PCNX2: variants seen among roughly 807,000 people sequenced by gnomAD.
PCNX2 encodes pecanex-like protein 2.
Under a neutral mutation model 223.8 loss-of-function variants are expected in PCNX2, and 168 were observed. The observed-to-expected ratio is 0.75, with a 90% CI of 0.66 to 0.85. The LOEUF is 0.85. Among genes scored for constraint, PCNX2 ranks in the 40% least tolerant of loss-of-function variants. The pLI is 0.00. For synonymous variants in PCNX2, 1,006 were observed against 1,052.6 expected, an observed-to-expected ratio of 0.96 and a Z score of 0.86; for missense variants, 2,507 against 2,675.5, an observed-to-expected ratio of 0.94 and a Z score of 1.39.
intron 28 of PCNX2, among the ~76,000 whole-genome samples, chr1:233,009,440 T>C (rs1670391770): frequency 6.6e-6 from 1 of 152,194 alleles, no homozygotes; most frequent in African/African-American, 2.4e-5. Context: ...AAATAAATCA[T>C]AAGTGTGAAA....
chr1:233,150,715 T>C (rs1398141088), intron 19 of PCNX2, among the ~76,000 whole-genome samples: 1 of 149,174 alleles, frequency 6.7e-6, no homozygotes, highest in Non-Finnish European at 1.5e-5. Flanking sequence ...CTCCAATATT[T>C]TTAATGTTCA....
intron 10 of PCNX2, among the ~76,000 whole-genome samples, chr1:233,226,141 T>G (rs1657699695): frequency 6.6e-6 from 1 of 152,214 alleles, no homozygotes; most frequent in South Asian, 2.1e-4. Flanking sequence ...TCTGAAATTT[T>G]CAAGCCAACC....
At chr1:233,169,285 C>T (rs774060162) in intron 17 of PCNX2, among the ~76,000 whole-genome samples, 15 of 151,858 alleles carry the variant, frequency 9.9e-5, no homozygotes, top group Admixed American at 5.2e-4. Context: ...ATCATTTTCT[C>T]TGTATATTTT....
At chr1:233,229,801 T>TA (rs564227328) in intron 9 of PCNX2, among the ~76,000 whole-genome samples, 78 of 147,928 alleles carry the variant, frequency 5.3e-4, no homozygotes, top group Admixed American at 3.4e-3. Flanking sequence ...AATCCTTGCT[T>TA]AAAAAAAAAA....
intron 19 of PCNX2, among the ~76,000 whole-genome samples, chr1:233,158,193 G>A (rs886786166): frequency 1.3e-5 from 2 of 152,124 alleles, no homozygotes; most frequent in Admixed American, 6.5e-5. Context: ...ACCAGAAACC[G>A]AGTTGTTAAT....
chr1:233,057,417 C>G, intron 23 of PCNX2, 127 bp from the exon 24 acceptor site: 6 of 729,194 alleles, frequency 8.2e-6, no homozygotes, highest in Non-Finnish European at 1.4e-5. Context: ...AAGACGATTG[C>G]TGTAGTTTTA....
At chr1:233,100,854 C>T (rs1380913137) in intron 21 of PCNX2, among the ~76,000 whole-genome samples, 3 of 152,168 alleles carry the variant, frequency 2.0e-5, no homozygotes, top group Non-Finnish European at 4.4e-5. Flanking sequence ...TACTAATCTC[C>T]CAGATTCATT....
chr1:233,174,464 T>C (rs1336352254), intron 17 of PCNX2, among the ~76,000 whole-genome samples: 1 of 151,558 alleles, frequency 6.6e-6, no homozygotes, highest in Non-Finnish European at 1.5e-5. Context: ...TTTCATATAC[T>C]GAACATTTTA....
intron 25 of PCNX2, among the ~76,000 whole-genome samples, chr1:233,031,208 G>A (rs1448051395): frequency 1.3e-5 from 2 of 152,172 alleles, no homozygotes; most frequent in African/African-American, 4.8e-5. Context: ...GAATATTTCA[G>A]TACTGGTTAT....
intron 6 of PCNX2, 39 bp from the exon 7 acceptor site, chr1:233,252,538 G>A: frequency 6.3e-7 from 1 of 1,589,134 alleles, no homozygotes; most frequent in Non-Finnish European, 8.6e-7. Flanking sequence ...ATGATTAGAA[G>A]TTCCTCCTTA....
intron 17 of PCNX2, among the ~76,000 whole-genome samples, chr1:233,168,651 A>G (rs1436244771): frequency 6.6e-6 from 1 of 152,126 alleles, no homozygotes; most frequent in African/African-American, 2.4e-5. Flanking sequence ...ACCATGATGA[A>G]TTATGCTGAA....
intron 21 of PCNX2, among the ~76,000 whole-genome samples, chr1:233,129,092 C>T (rs1460540804): frequency 6.6e-6 from 1 of 152,250 alleles, no homozygotes; most frequent in African/African-American, 2.4e-5. Context: ...AAGCCAGAGC[C>T]GGCTCCCTCA....
chr1:233,142,201 A>T (rs984205094), intron 19 of PCNX2, among the ~76,000 whole-genome samples: 1 of 152,212 alleles, frequency 6.6e-6, no homozygotes, highest in Admixed American at 6.5e-5. Flanking sequence ...CATATAGATT[A>T]AAGGATTTTA....
At chr1:233,266,089 G>A (rs1031106679) in intron 1 of PCNX2, among the ~76,000 whole-genome samples, 1 of 152,154 alleles carries the variant, frequency 6.6e-6, no homozygotes, top group African/African-American at 2.4e-5. Context: ...GCAGCCCATG[G>A]ACCTGACCAG....
chr1:233,189,348 T>A (rs942741207), intron 15 of PCNX2, among the ~76,000 whole-genome samples: 23 of 152,210 alleles, frequency 1.5e-4, no homozygotes, highest in African/African-American at 5.3e-4. Context: ...CTGTCTTATA[T>A]GCTGTGAACT....
intron 21 of PCNX2, among the ~76,000 whole-genome samples, chr1:233,131,492 T>C (rs1216191950): frequency 6.6e-6 from 1 of 152,260 alleles, no homozygotes; most frequent in African/African-American, 2.4e-5. Context: ...TATAATCATC[T>C]TCTGTCACTA....
chr1:233,044,724 A>G (rs1671768162), intron 25 of PCNX2, among the ~76,000 whole-genome samples: 1 of 151,276 alleles, frequency 6.6e-6, no homozygotes, highest in Non-Finnish European at 1.5e-5. Context: ...GCTGGGGTGC[A>G]ATGGCGTGAT....
rs114571929 is a variant in PCNX2, at chr1:233,037,957, T to G, written c.4352-12558A>C. On this transcript the variant is annotated intron_variant, in intron 25 of 33. Coordinates refer to ENST00000258229, the MANE Select transcript of PCNX2 (RefSeq NM_014801.4). ...TGACACTTATCAATTTAAAAAGGAA[T>G]GCTTCAGAGTATCTCATTTGATGTA... is the stretch of plus-strand genomic sequence containing the variant. Among the ~76,000 whole-genome samples the G allele has an allele frequency of 3.8e-3, 586 of 152,352 alleles. 6 individuals carry two copies. Among genetic ancestry groups the G allele is most frequent in the African/African-American group, 0.013 (557 of 41,592 alleles).
chr1:233,075,320 C>T (rs1036447086), intron 23 of PCNX2, among the ~76,000 whole-genome samples: 1 of 152,124 alleles, frequency 6.6e-6, no homozygotes, highest in African/African-American at 2.4e-5. Flanking sequence ...AATAGGCAAT[C>T]CCAAAAGGTT....
Sources: gnomAD v4.1 joint callset for allele counts (sites outside exome capture counted in the v4.1 genomes callset) on GRCh38, gnomAD v4.1.1 for gene constraint, MANE v1.5 for transcripts, NCBI Gene and HGNC (gene_info 2026-07-23, HGNC 2026-07-21) for gene names.